CDH7: variants seen among roughly 807,000 people sequenced by gnomAD.
CDH7 encodes the protein cadherin 7, also known as cadherin-7.
CDH7 carries 25 observed loss-of-function variants against 71.8 expected under a neutral mutation model. That is an observed-to-expected ratio of 0.35 (90% CI 0.25 to 0.49). The LOEUF is 0.49. CDH7 is among the 20% of genes least tolerant of loss of function. The probability of loss-of-function intolerance (pLI) is 0.99; values close to 1 mark genes in which losing one functional copy is unlikely to be tolerated. For missense variants in CDH7, 862 were observed against 974.6 expected, an observed-to-expected ratio of 0.88 and a Z score of 1.54; for synonymous variants, 381 against 363.8, an observed-to-expected ratio of 1.05 and a Z score of -0.54.
At chr18:65,776,361 AACACAC>A (rs66695422) in intron 2 of CDH7, among the ~76,000 whole-genome samples, 3,084 of 139,568 alleles carry the variant, frequency 0.022, 68 homozygotes, top group African/African-American at 0.062. Flanking sequence ...GAAAGTACAG[AACACAC>A]ACACACACAC....
At chr18:65,866,936 A>G (rs992855240) in intron 11 of CDH7, among the ~76,000 whole-genome samples, 4 of 152,122 alleles carry the variant, frequency 2.6e-5, no homozygotes, top group African/African-American at 9.7e-5. Context: ...AGCTATTGCT[A>G]TACTCACATT....
At chr18:65,839,070 C>T (rs913866292) in intron 6 of CDH7, among the ~76,000 whole-genome samples, 2 of 152,096 alleles carry the variant, frequency 1.3e-5, no homozygotes, top group African/African-American at 4.8e-5. Flanking sequence ...AGGGCTTATA[C>T]GTGATAACAT....
rs1914347234 is a variant in CDH7, at chr18:65,885,380, T to TTTTTTTTTTTTTTTTC, written c.*4501_*4502insCTTTTTTTTTTTTTTT. On this transcript the variant is annotated 3_prime_UTR_variant, in exon 12 of 12. Coordinates refer to ENST00000397968, the MANE Select transcript of CDH7 (RefSeq NM_004361.5). The stretch of plus-strand genomic sequence containing the variant: ...AAAGGATGTGTGCCTGTGTTTTTTT[T>TTTTTTTTTTTTTTTTC]TTTTTTTTTTTTTTTGACGTGGAGT... 2.9e-5 allele frequency: 3 copies of TTTTTTTTTTTTTTTTC among 102,910 alleles called. No homozygotes were observed. The highest frequency in any genetic ancestry group is 6.2e-5 in the Non-Finnish European group (3 of 48,750). 6.4% of individuals were successfully genotyped at this position (102,910 alleles called of 1,614,324 possible).
At chr18:65,844,618 T>C (rs1196889259) in intron 7 of CDH7, among the ~76,000 whole-genome samples, 4 of 152,106 alleles carry the variant, frequency 2.6e-5, no homozygotes, top group African/African-American at 7.2e-5. Context: ...GATATTGTTA[T>C]AGCCAAGTAA....
intron 2 of CDH7, among the ~76,000 whole-genome samples, chr18:65,765,529 T>A (rs912202635): frequency 3.3e-5 from 5 of 151,080 alleles, no homozygotes; most frequent in Non-Finnish European, 7.4e-5. Context: ...CAGAAAGAAA[T>A]AAAAATTATA....
chr18:65,887,158 C>T lies in CDH7; in HGVS notation c.*6264C>T, dbSNP rs991600581. 4 of 152,116 alleles carry T rather than the reference C, an allele frequency of 2.6e-5. No homozygotes were observed. The highest frequency in any genetic ancestry group is 2.0e-4 in the Admixed American group (3 of 15,270). The allele number at this position is 152,116 out of a possible 1,614,324, so 9.4% of individuals were successfully genotyped here. A position where few individuals can be genotyped will look rare whatever the true frequency, so the allele number is the denominator to read the frequency against. On this transcript the variant is annotated 3_prime_UTR_variant, in exon 12 of 12. Transcript: ENST00000397968. ...AAAACTTATATGATTCACTACCCTA[C>T]AGCTTCATGTTCTAATTTTGTGAGT...
chr18:65,868,260 T>C (rs1913825361), intron 11 of CDH7, among the ~76,000 whole-genome samples: 1 of 152,238 alleles, frequency 6.6e-6, no homozygotes, highest in East Asian at 1.9e-4. Context: ...GCTCGTACTA[T>C]GTGCTAGACA....
intron 11 of CDH7, among the ~76,000 whole-genome samples, chr18:65,875,780 T>C (rs765560446): frequency 6.6e-5 from 10 of 151,980 alleles, no homozygotes; most frequent in Non-Finnish European, 1.3e-4. Flanking sequence ...GTACAAAAAA[T>C]AGCCATGTGT....
At chr18:65,816,684 C>T (rs1406388701) in intron 4 of CDH7, among the ~76,000 whole-genome samples, 1 of 152,072 alleles carries the variant, frequency 6.6e-6, no homozygotes, top group Non-Finnish European at 1.5e-5. Flanking sequence ...GGCTGAATGA[C>T]CAGAGGGTAA....
intron 6 of CDH7, among the ~76,000 whole-genome samples, chr18:65,843,165 G>A (rs988950764): frequency 6.6e-6 from 1 of 152,026 alleles, no homozygotes; most frequent in African/African-American, 2.4e-5. Context: ...AATCCTCTTG[G>A]AAAATTAGAT....
rs536668653 is a variant in CDH7, at chr18:65,832,347, T to C, written c.981+7516T>C. Among the ~76,000 whole-genome samples, 4 of 152,206 alleles carry C rather than the reference T, an allele frequency of 2.6e-5. No homozygotes were observed. In the South Asian group the frequency reaches 8.3e-4, roughly 32 times the overall value. Reference sequence around the variant, plus strand: ...GAAGAGAAAAGCAGAAAAAAATCCTTTTTAAAATATATATTTGAAAAAAGA... The same window carrying C: ...GAAGAGAAAAGCAGAAAAAAATCCTCTTTAAAATATATATTTGAAAAAAGA... On this transcript the variant is annotated intron_variant, in intron 6 of 11. Transcript: ENST00000397968.
At position 65,880,412 on chromosome 18, in the gene CDH7, C is replaced by T. The variant is rs867099455; in HGVS notation, c.1876C>T (p.Leu626Phe). Residue 626 changes from leucine (L) to phenylalanine (F), a missense_variant, in exon 12 of 12, where the codon CTT becomes TTT. Leu to Phe is a conservative substitution (Grantham distance 22). Coordinates refer to ENST00000397968, the MANE Select transcript of CDH7 (RefSeq NM_004361.5). ...CVLTLLVLIL[L>F]IVTMRRRKKE... ...TCTTATTGTTTCAGTGTTGATCCTCCTTATCGTCACTATGAGAAGACGGAA... is the reference window on the plus strand; with the variant it reads ...TCTTATTGTTTCAGTGTTGATCCTCTTTATCGTCACTATGAGAAGACGGAA... The T allele has an allele frequency of 6.5e-7, 1 of 1,543,488 alleles. No homozygotes were observed. The highest frequency in any genetic ancestry group is 8.7e-7 in the Non-Finnish European group (1 of 1,152,594).
At chr18:65,833,013 T>C (rs1369419111) in intron 6 of CDH7, among the ~76,000 whole-genome samples, 1 of 152,200 alleles carries the variant, frequency 6.6e-6, no homozygotes, top group Non-Finnish European at 1.5e-5. Context: ...TATTTGGTGG[T>C]CCACTTTGTC....
At chr18:65,832,252 G>T (rs1338605739) in intron 6 of CDH7, among the ~76,000 whole-genome samples, 3 of 151,874 alleles carry the variant, frequency 2.0e-5, no homozygotes, top group African/African-American at 7.3e-5. Flanking sequence ...ATTCCAGTTT[G>T]TGAAAATTAT....
At chr18:65,832,960 C>G (rs1018624793) in intron 6 of CDH7, among the ~76,000 whole-genome samples, 4 of 151,938 alleles carry the variant, frequency 2.6e-5, no homozygotes, top group Non-Finnish European at 2.9e-5. Context: ...AAAATTAATT[C>G]CCTATGAAAG....
intron 2 of CDH7, among the ~76,000 whole-genome samples, chr18:65,793,776 T>C (rs1329863737): frequency 6.6e-6 from 1 of 152,162 alleles, no homozygotes; most frequent in Non-Finnish European, 1.5e-5. Flanking sequence ...ATGCTGGCAT[T>C]GACTGAAGCT....
intron 1 of CDH7, among the ~76,000 whole-genome samples, chr18:65,751,790 T>TTC (rs1390185787): frequency 2.0e-5 from 3 of 152,212 alleles, no homozygotes; most frequent in African/African-American, 7.2e-5. Flanking sequence ...GGCGCCCTGC[T>TTC]TCTCTGAATG....
chr18:65,832,106 T>C lies in CDH7; in HGVS notation c.981+7275T>C, dbSNP rs564558550. 5.3e-5 allele frequency among the ~76,000 whole-genome samples: 8 copies of C among 152,278 alleles called. No individual in the cohort carries two copies. In the East Asian group the frequency reaches 1.4e-3, roughly 26 times the overall value. ...CATCTGGATAGAGTCATTTCTATTG[T>C]AATGAGATTATTTTCTACCTGCGGA... On this transcript the variant is annotated intron_variant, in intron 6 of 11. Transcript: ENST00000397968.
At chr18:65,783,727 CT>C (rs1413718109) in intron 2 of CDH7, among the ~76,000 whole-genome samples, 1 of 151,988 alleles carries the variant, frequency 6.6e-6, no homozygotes. Flanking sequence ...TTAGTCTAAC[CT>C]TTTTCATGAA....
Sources: allele counts gnomAD v4.1 joint callset (sites outside exome capture counted in the v4.1 genomes callset), GRCh38; gene constraint gnomAD v4.1.1; transcripts MANE v1.5; gene names NCBI Gene and HGNC (gene_info 2026-07-23, HGNC 2026-07-21).